Variants in NAF1 observed in about 807,000 individuals in gnomAD.
The protein encoded by NAF1 is nuclear assembly factor 1 ribonucleoprotein.
NAF1 carries 11 observed loss-of-function variants against 40.6 expected under a neutral mutation model. The observed-to-expected ratio is 0.27, with a 90% CI of 0.17 to 0.45. NAF1 has a LOEUF of 0.45. Among genes scored for constraint, NAF1 ranks in the 20% least tolerant of loss-of-function variants. NAF1 has a pLI of 1.00. For missense variants in NAF1, 607 were observed against 611.1 expected, an observed-to-expected ratio of 0.99 and a Z score of 0.07; for synonymous variants, 260 against 228.5, an observed-to-expected ratio of 1.14 and a Z score of -1.24.
At chr4:163,143,444 G>A (rs562142504) in intron 4 of NAF1, among the ~76,000 whole-genome samples, 9 of 152,254 alleles carry the variant, frequency 5.9e-5, no homozygotes, top group African/African-American at 1.9e-4. Context: ...AAGTTTCAGC[G>A]GCGTAGAAGG....
intron 2 of NAF1, among the ~76,000 whole-genome samples, chr4:163,163,245 T>G (rs184075715): frequency 2.0e-5 from 3 of 152,226 alleles, no homozygotes. Flanking sequence ...TGCATACAAA[T>G]CCAAAGGTCT....
the NAF1 span, among the ~76,000 whole-genome samples, chr4:163,104,588 A>G: frequency 1.3e-5 from 2 of 152,232 alleles, no homozygotes; most frequent in Admixed American, 6.5e-5. Flanking sequence ...GAAATTACTC[A>G]GCTATAGTAA....
In NAF1 at chr4:163,128,852, C is replaced by T. The variant is rs375969153; in HGVS notation, c.*45G>A. The T allele has an allele frequency of 3.5e-6, 5 of 1,437,862 alleles. No individual in the cohort carries two copies. The highest frequency in any genetic ancestry group is 1.5e-5 in the South Asian group (1 of 64,538). 89.1% of individuals were successfully genotyped at this position (1,437,862 alleles called of 1,614,324 possible). ...ACTCTTGAAAAAAAAAAATCCTTAC[C>T]ACATAATATGAAAAGTCCACATTTC... is the stretch of plus-strand genomic sequence containing the variant. On this transcript the variant is annotated 3_prime_UTR_variant, in exon 8 of 8. Coordinates refer to ENST00000274054, the MANE Select transcript of NAF1 (RefSeq NM_138386.3).
At chr4:163,125,738 T>C (rs1730637138), downstream of NAF1, among the ~76,000 whole-genome samples, 1 of 152,206 alleles carries the variant, frequency 6.6e-6, no homozygotes. Context: ...GTACATAAAA[T>C]AGCCTTATAT....
rs146708849 is a variant in NAF1 at position 163,145,855 on chromosome 4, T to G, written c.644A>C (p.Glu215Ala). Residue 215 changes from glutamate to alanine, a missense_variant, in exon 4 of 8, where the codon GAA becomes GCA. Physicochemically the swap from Glu to Ala is moderately radical, Grantham distance 107. Coordinates refer to ENST00000274054, the MANE Select transcript of NAF1 (RefSeq NM_138386.3). ...SSIIEQLVII[E>A]SMTNLPPVNE... ...AACTGGAGGTAGGTTAGTCATAGAT[T>G]CAATTATTACTGAAAAATAAAATAG... 2 of 1,477,828 alleles carry G rather than the reference T, an allele frequency of 1.4e-6. No homozygotes were observed. Among genetic ancestry groups the G allele is most frequent in the East Asian group, 4.6e-5 (2 of 43,154 alleles). The allele number at this position is 1,477,828 out of a possible 1,614,324, so 91.5% of individuals were successfully genotyped here.
At chr4:163,140,143 A>G (rs1424392639) in intron 5 of NAF1, 80 bp downstream of exon 5, 3 of 1,186,252 alleles carry the variant, frequency 2.5e-6, no homozygotes, top group Non-Finnish European at 3.5e-6. Flanking sequence ...ATATAACTGT[A>G]AGAAATTACA....
chr4:163,157,705 GATT>G (rs1286655283), intron 2 of NAF1, among the ~76,000 whole-genome samples: 1 of 152,130 alleles, frequency 6.6e-6, no homozygotes, highest in Non-Finnish European at 1.5e-5. Context: ...TGTTTTGTAA[GATT>G]ATTATATTTT....
chr4:163,160,753 T>C (rs1732185628), intron 2 of NAF1, among the ~76,000 whole-genome samples: 1 of 152,206 alleles, frequency 6.6e-6, no homozygotes, highest in Non-Finnish European at 1.5e-5. Context: ...CCAGCACAAA[T>C]TCTAAAATTG....
At chr4:163,148,595 C>T (rs1026472688) in intron 2 of NAF1, among the ~76,000 whole-genome samples, 161 bp from the exon 3 acceptor site, 1 of 152,178 alleles carries the variant, frequency 6.6e-6, no homozygotes, top group African/African-American at 2.4e-5. Context: ...CTTGTGATAG[C>T]ACTTCTCTCC....
In NAF1 at chr4:163,161,427, C is replaced by T. The variant is rs545345447; in HGVS notation, c.540+2790G>A. 2.9e-3 allele frequency among the ~76,000 whole-genome samples: 437 copies of T among 151,962 alleles called. 1 individual carries two copies. Among genetic ancestry groups the T allele is most frequent in the African/African-American group, 9.3e-3 (386 of 41,472 alleles). ...GGTGGAGGTTACAGTGAGTCGAGATCGGCCACTGGGCTCCGGCCTGGGCGA... is the reference window on the plus strand; with the variant it reads ...GGTGGAGGTTACAGTGAGTCGAGATTGGCCACTGGGCTCCGGCCTGGGCGA... On this transcript the variant is annotated intron_variant, in intron 2 of 7. Transcript: ENST00000274054.
intron 6 of NAF1, among the ~76,000 whole-genome samples, chr4:163,134,214 C>T (rs28729919): frequency 0.027 from 4,057 of 151,788 alleles, 183 homozygotes; most frequent in African/African-American, 0.092. Context: ...TGCCAGAAAA[C>T]GTCTATTATG....
rs936562 is a variant in NAF1, at chr4:163,166,802, A to T, written c.-75T>A. On this transcript the variant is annotated 5_prime_UTR_variant, in exon 1 of 8. Transcript: ENST00000274054. ...AGCTCACGGCTCTCTCCAGAAATAGAAAAACAACTTAGGCAACCGCAGCAA... is the reference window on the plus strand; with the variant it reads ...AGCTCACGGCTCTCTCCAGAAATAGTAAAACAACTTAGGCAACCGCAGCAA... 1,264,038 of 1,554,146 alleles carry T rather than the reference A, an allele frequency of 0.81. 514,562 individuals carry two copies. The highest frequency in any genetic ancestry group is 0.85 in the South Asian group (69,929 of 82,300).
chr4:163,158,942 T>A (rs1258109451), intron 2 of NAF1, among the ~76,000 whole-genome samples: 1 of 152,112 alleles, frequency 6.6e-6, no homozygotes, highest in East Asian at 1.9e-4. Flanking sequence ...ATTCAACCAT[T>A]AACTCTCTGG....
At chr4:163,126,934 T>C (rs1249955488), downstream of NAF1, 2 of 1,524,144 alleles carry the variant, frequency 1.3e-6, no homozygotes, top group Non-Finnish European at 8.8e-7. Context: ...AACAGTAAAG[T>C]ATTCTCCAAT....
At chr4:163,146,122 G>C (rs916511124) in intron 3 of NAF1, among the ~76,000 whole-genome samples, 3 of 152,082 alleles carry the variant, frequency 2.0e-5, no homozygotes, top group Admixed American at 2.0e-4. Context: ...CAGAAAATCT[G>C]AATCATCCAT....
At chr4:163,144,160 G>A (rs1731369621) in intron 4 of NAF1, 1 of 252,474 alleles carries the variant, frequency 4.0e-6, no homozygotes, top group East Asian at 1.8e-4. Flanking sequence ...GTTCATCAAG[G>A]GAACTAGCAA....
chr4:163,152,204 TAAG>T (rs1471007923), intron 2 of NAF1, among the ~76,000 whole-genome samples: 1 of 152,228 alleles, frequency 6.6e-6, no homozygotes, highest in African/African-American at 2.4e-5. Flanking sequence ...TTTAATGGGT[TAAG>T]AAAGTATCCA....
intron 2 of NAF1, among the ~76,000 whole-genome samples, chr4:163,112,692 T>C (rs1730199970): frequency 6.6e-6 from 1 of 151,990 alleles, no homozygotes; most frequent in African/African-American, 2.4e-5. Flanking sequence ...GCAGCTGGGG[T>C]ATAAGGCTCT....
chr4:163,166,237 G>C, intron 1 of NAF1, 126 bp downstream of exon 1: 1 of 1,213,574 alleles, frequency 8.2e-7, no homozygotes, highest in Non-Finnish European at 1.1e-6. Context: ...ACGTGAGCCC[G>C]GAGCACCAAC....
Sources: gnomAD v4.1 joint callset for allele counts (sites outside exome capture counted in the v4.1 genomes callset) on GRCh38, gnomAD v4.1.1 for gene constraint, MANE v1.5 for transcripts, NCBI Gene and HGNC (gene_info 2026-07-23, HGNC 2026-07-21) for gene names.